The following PEX1 variants were observed in gnomAD, a reference collection of about 807,000 sequenced individuals.
PEX1 encodes the protein peroxisomal ATPase PEX1.
A neutral mutation model predicts 152.5 loss-of-function variants in PEX1; 97 were observed. The observed-to-expected ratio is 0.64, with a 90% CI of 0.54 to 0.75. The LOEUF (loss-of-function observed/expected upper bound fraction) is 0.75, where lower values mean the gene tolerates loss of function less well. Ranked by LOEUF, PEX1 falls within the 30% of genes least tolerant of loss-of-function variation. The pLI is 0.00. For synonymous variants in PEX1, 485 were observed against 531.6 expected (o/e 0.91, Z 1.21); for missense variants, 1,357 against 1,516.3 (o/e 0.89, Z 1.74).
Position 92,490,004 on chromosome 7 carries a change from CAAT to C in PEX1, c.3439-96_3439-94del, listed in dbSNP as rs779270710. 682 of 981,994 alleles carry C rather than the reference CAAT, an allele frequency of 6.9e-4. 1 individual carries two copies. The highest frequency in any genetic ancestry group is 7.8e-4 in the Non-Finnish European group (498 of 634,634). 60.8% of individuals were successfully genotyped at this position (981,994 alleles called of 1,614,324 possible). A position where few individuals can be genotyped will look rare whatever the true frequency, so the allele number is the denominator to read the frequency against. ...AAATATAAAAATTAAACATTTTAAG[CAAT>C]AAAACATTAACATAGATAAGTATAC... On this transcript the variant is annotated intron_variant, in intron 21 of 23. Transcript: ENST00000248633.
chr7:92,509,719 G>A (rs1240780335), intron 8 of PEX1, among the ~76,000 whole-genome samples: 1 of 152,006 alleles, frequency 6.6e-6, no homozygotes, highest in African/African-American at 2.4e-5. Flanking sequence ...TCTCCAAATG[G>A]TATTCCTTCA....
Position 92,493,168 on chromosome 7 carries a change from A to ATTTT in PEX1, c.3031-40_3031-39insAAAA, listed in dbSNP as rs774412547. 9.8e-5 allele frequency: 110 copies of ATTTT among 1,121,334 alleles called. 1 individual carries two copies. In the East Asian group the frequency reaches 2.2e-3, roughly 22 times the overall value. 69.5% of individuals were successfully genotyped at this position (1,121,334 alleles called of 1,614,324 possible). Reference sequence around the variant, plus strand: ...AATTTATTTAACAAATAAAAAATAAAATTAAAAATATTATCTTAAATTGTG... The same window carrying ATTTT: ...AATTTATTTAACAAATAAAAAATAAATTTTATTAAAAATATTATCTTAAATTGTG... On this transcript the variant is annotated intron_variant, in intron 19 of 23. Transcript: ENST00000248633.
chr7:92,526,420 C>A (rs549117551), intron 1 of PEX1, among the ~76,000 whole-genome samples: 1 of 152,172 alleles, frequency 6.6e-6, no homozygotes, highest in Non-Finnish European at 1.5e-5. Context: ...AATGCTTCAC[C>A]CCAAATAAAG....
chr7:92,519,725 T>C (rs1394840358), intron 2 of PEX1, among the ~76,000 whole-genome samples: 1 of 152,168 alleles, frequency 6.6e-6, no homozygotes, highest in Non-Finnish European at 1.5e-5. Context: ...AGAAGTATAA[T>C]CCTTCACAGT....
Position 92,487,391 on chromosome 7 carries a change from T to G in PEX1, c.*66A>C, listed in dbSNP as rs1321487112. 8.0e-5 allele frequency: 66 copies of G among 822,502 alleles called. No homozygotes were observed. Among genetic ancestry groups the G allele is most frequent in the Non-Finnish European group, 6.5e-5 (32 of 491,560 alleles). The allele number at this position is 822,502 out of a possible 1,614,324, so 51.0% of individuals were successfully genotyped here. A position where few individuals can be genotyped will look rare whatever the true frequency, so the allele number is the denominator to read the frequency against. On this transcript the variant is annotated 3_prime_UTR_variant, in exon 24 of 24. Transcript: ENST00000248633. ...AAGAAATTCATAGACACCATTTTTT[T>G]CCTGTTACAACATATGGAAAAGCCA...
intron 1 of PEX1, 113 bp from the exon 2 acceptor site, chr7:92,522,358 TTC>T: frequency 1.0e-6 from 1 of 987,064 alleles, no homozygotes; most frequent in Non-Finnish European, 1.5e-6. Context: ...CTATAGATAG[TTC>T]TCTGTTATCT....
At chr7:92,505,055 C>T (rs1311363886) in intron 11 of PEX1, among the ~76,000 whole-genome samples, 153 bp from the exon 12 acceptor site, 1 of 152,096 alleles carries the variant, frequency 6.6e-6, no homozygotes, top group African/African-American at 2.4e-5. Flanking sequence ...AAAACTTGTT[C>T]ATCAACATGG....
Position 92,504,895 on chromosome 7 carries a change from C to G in PEX1, c.1908G>C (p.Arg636Ser), listed in dbSNP as rs1792110385. The G allele has an allele frequency of 6.2e-7, 1 of 1,612,060 alleles. No individual in the cohort carries two copies. Among genetic ancestry groups the G allele is most frequent in the Non-Finnish European group, 8.5e-7 (1 of 1,178,156 alleles). Residue 636 changes from arginine to serine, a missense_variant, in exon 12 of 24, where the codon AGG becomes AGC. Arg to Ser is a moderately radical substitution (Grantham distance 110). Coordinates refer to ENST00000248633, the MANE Select transcript of PEX1 (RefSeq NM_000466.3). The part of the protein sequence containing the change: ...RVDCKALRGK[R>S]LENIQKTLEV... ...CTAGGGTTTTTTGTATGTTTTCAAG[C>G]CTTTTTCCTTAATACAGAAGATATG...
intron 5 of PEX1, among the ~76,000 whole-genome samples, chr7:92,516,550 A>G (rs1392047595): frequency 6.6e-6 from 1 of 152,160 alleles, no homozygotes; most frequent in Admixed American, 6.5e-5. Flanking sequence ...AAAGGAGACA[A>G]CCTTCTCTTT....
chr7:92,518,353 T>C (rs1361941692), intron 3 of PEX1, 98 bp from the exon 4 acceptor site: 1 of 765,034 alleles, frequency 1.3e-6, no homozygotes, highest in African/African-American at 1.7e-5. Context: ...AAACAAATTT[T>C]AATGTGCATA....
At position 92,489,432 on chromosome 7, in the gene PEX1, A is replaced by G. The variant is rs1251346880; in HGVS notation, c.3637-9T>C. On this transcript the variant is annotated splice_polypyrimidine_tract_variant and intron_variant, in intron 22 of 23. Transcript: ENST00000248633. ...TTCATGGATTCGTCCTCCTTAAGTA[A>G]AAAAAGAAATTGACGAAGAGTTAAA... 1.9e-6 allele frequency: 3 copies of G among 1,611,646 alleles called. No homozygotes were observed. The South Asian group carries it at 3.3e-5, about 18-fold the overall frequency.
chr7:92,517,960 T>C lies in PEX1; in HGVS notation c.555A>G (p.Lys185=). The C allele has an allele frequency of 6.2e-7, 1 of 1,610,280 alleles. No individual in the cohort carries two copies. Among genetic ancestry groups the C allele is most frequent in the African/African-American group, 1.3e-5 (1 of 74,812 alleles). The change falls in exon 5 of 24, where the codon AAA becomes AAG. Residue 185 remains lysine, a synonymous_variant. Coordinates refer to ENST00000248633, the MANE Select transcript of PEX1 (RefSeq NM_000466.3). ...CATCAGCTTTTGAAAATGTATTCTC[T>C]TTGGCTCGGCGTGTCTTTGGCTGAA... ...LLIQPKTRRA[K]ENTFSKADAE...
At chr7:92,515,003 C>T (rs1016677576) in intron 5 of PEX1, among the ~76,000 whole-genome samples, 1 of 148,888 alleles carries the variant, frequency 6.7e-6, no homozygotes, top group Non-Finnish European at 1.5e-5. Context: ...GAGTGGAGAT[C>T]GCCACCACAC....
At chr7:92,498,902 A>G (rs925966609) in intron 16 of PEX1, among the ~76,000 whole-genome samples, 7 of 152,224 alleles carry the variant, frequency 4.6e-5, no homozygotes, top group African/African-American at 1.7e-4. Context: ...CTTTTATCTG[A>G]GCATTTATGT....
At chr7:92,493,630 C>T (rs1301576160) in intron 19 of PEX1, 1 of 153,836 alleles carries the variant, frequency 6.5e-6, no homozygotes, top group East Asian at 1.9e-4. Context: ...CAAAGTGAGA[C>T]CTTGTCTGAA....
Position 92,506,966 on chromosome 7 carries a change from G to C in PEX1, c.1803+28C>G, listed in dbSNP as rs139244035. The stretch of plus-strand genomic sequence containing the variant: ...AAATGAAAAGTTATTAAATGTTACA[G>C]AAAAATGAACACACCTTAACCACTT... On this transcript the variant is annotated intron_variant, in intron 10 of 23. Transcript: ENST00000248633. The C allele has an allele frequency of 6.4e-4, 1,037 of 1,611,432 alleles. 10 individuals are homozygous for C. In the African/African-American group the frequency reaches 0.013, roughly 20 times the overall value.
At chr7:92,512,334 T>A (rs567803753) in intron 6 of PEX1, among the ~76,000 whole-genome samples, 2 of 152,256 alleles carry the variant, frequency 1.3e-5, no homozygotes, top group African/African-American at 4.8e-5. Context: ...ATAATCTATT[T>A]AAAAAAATTT....
At chr7:92,519,122 C>G (rs755740801) in intron 2 of PEX1, 44 bp from the exon 3 acceptor site, 44 of 1,066,044 alleles carry the variant, frequency 4.1e-5, no homozygotes, top group Non-Finnish European at 6.4e-5. Context: ...AAAAACTTTT[C>G]TGTGTCATAT....
At position 92,518,157 on chromosome 7, in the gene PEX1, G is replaced by A; in HGVS notation, c.456C>T (p.Tyr152=). The change falls in exon 4 of 24, where the codon TAC becomes TAT. Residue 152 remains tyrosine, a synonymous_variant. Coordinates refer to ENST00000248633, the MANE Select transcript of PEX1 (RefSeq NM_000466.3). ...IFPVWVDQQT[Y]IFIQIVALIP... is the part of the protein sequence containing the mutation. ...AGCACCTACCAATTTGGATAAATAT[G>A]TACGTTTGTTGATCAACCCAAACAG... 2 of 1,610,484 alleles carry A rather than the reference G, an allele frequency of 1.2e-6. No homozygotes were observed. Among genetic ancestry groups the A allele is most frequent in the Non-Finnish European group, 1.7e-6 (2 of 1,176,774 alleles).
Sources: allele counts gnomAD v4.1 joint callset (sites outside exome capture counted in the v4.1 genomes callset), GRCh38; gene constraint gnomAD v4.1.1; transcripts MANE v1.5; gene names NCBI Gene and HGNC (gene_info 2026-07-23, HGNC 2026-07-21).